The following SGPL1 variants were observed in gnomAD, a reference collection of about 807,000 sequenced individuals.
SGPL1 encodes the protein sphingosine-1-phosphate lyase 1, also known as SP-lyase 1.
SGPL1 carries 37 observed loss-of-function variants against 68.9 expected under a neutral mutation model. The observed-to-expected ratio is 0.54, with a 90% CI of 0.41 to 0.71. The LOEUF is 0.71. SGPL1 is among the 30% of genes least tolerant of loss of function. The pLI is 0.00. For synonymous variants in SGPL1, 236 were observed against 248.5 expected, an observed-to-expected ratio of 0.95 and a Z score of 0.47; for missense variants, 551 against 704.6, an observed-to-expected ratio of 0.78 and a Z score of 2.47.
chr10:70,845,028 G>A (rs1413061691), intron 3 of SGPL1, among the ~76,000 whole-genome samples: 5 of 152,118 alleles, frequency 3.3e-5, no homozygotes, highest in Non-Finnish European at 7.4e-5. Flanking sequence ...GTGAGCCACC[G>A]TGCCCGGCCC....
chr10:70,839,747 A>G (rs1331962713), intron 2 of SGPL1, among the ~76,000 whole-genome samples: 1 of 152,158 alleles, frequency 6.6e-6, no homozygotes, highest in African/African-American at 2.4e-5. Context: ...GTAAAAAGAC[A>G]TAGTGGGAAT....
At chr10:70,842,480 C>T (rs191150509) in intron 2 of SGPL1, among the ~76,000 whole-genome samples, 13 of 152,278 alleles carry the variant, frequency 8.5e-5, no homozygotes. Flanking sequence ...TTAATTGGCT[C>T]ATGGTTCTGC....
chr10:70,835,091 A>T (rs897474525), intron 2 of SGPL1, among the ~76,000 whole-genome samples: 1 of 152,204 alleles, frequency 6.6e-6, no homozygotes, highest in African/African-American at 2.4e-5. Context: ...TGTGGGAGAG[A>T]GGAGGCAGAA....
At chr10:70,834,693 A>T (rs1478851009) in intron 2 of SGPL1, among the ~76,000 whole-genome samples, 1 of 152,194 alleles carries the variant, frequency 6.6e-6, no homozygotes, top group Non-Finnish European at 1.5e-5. Flanking sequence ...GAAGTTCTGT[A>T]TGCCTTCACT....
In SGPL1 at chr10:70,847,987, G is replaced by A. The variant is rs183574466; in HGVS notation, c.194-3156G>A. Among the ~76,000 whole-genome samples, 36 of 152,318 alleles carry A rather than the reference G, an allele frequency of 2.4e-4. 1 individual carries two copies. In the East Asian group the frequency reaches 6.0e-3, roughly 25 times the overall value. On this transcript the variant is annotated intron_variant, in intron 3 of 14. Transcript: ENST00000373202. ...AGTGGGCAGCGGCATGAACTGTGCT[G>A]GGGTTAGCAGCCTCTTCCTTAATTC...
At chr10:70,831,997 GC>G (rs1845547525) in intron 2 of SGPL1, among the ~76,000 whole-genome samples, 1 of 152,118 alleles carries the variant, frequency 6.6e-6, no homozygotes. Flanking sequence ...GGCCCAAAGT[GC>G]CCCAGCATTA....
chr10:70,868,869 G>A (rs570866106), intron 8 of SGPL1, among the ~76,000 whole-genome samples: 1 of 152,210 alleles, frequency 6.6e-6, no homozygotes, highest in East Asian at 1.9e-4. Context: ...TTTAGTGTGA[G>A]GGCTGTTTTC....
chr10:70,832,217 G>A (rs1032407643), intron 2 of SGPL1, among the ~76,000 whole-genome samples: 1 of 152,126 alleles, frequency 6.6e-6, no homozygotes. Context: ...TGGTAATTTC[G>A]AAGATGCACT....
In SGPL1 at chr10:70,859,290, G is replaced by A. The variant is rs1589466205; in HGVS notation, c.487-81G>A. On this transcript the variant is annotated intron_variant, in intron 6 of 14. Coordinates refer to ENST00000373202, the MANE Select transcript of SGPL1 (RefSeq NM_003901.4). The stretch of plus-strand genomic sequence containing the variant: ...TTTATATTGTTGTGCCTAATACTTA[G>A]AAACTGTTGTTTAGTGCATGATTCT... The A allele has an allele frequency of 5.5e-6, 6 of 1,083,462 alleles. No homozygotes were observed. The East Asian group carries it at 2.1e-4, about 37-fold the overall frequency. 67.1% of individuals were successfully genotyped at this position (1,083,462 alleles called of 1,614,324 possible). A position where few individuals can be genotyped will look rare whatever the true frequency, so the allele number is the denominator to read the frequency against.
chr10:70,823,063 A>C (rs1288947376), intron 2 of SGPL1, among the ~76,000 whole-genome samples: 1 of 151,680 alleles, frequency 6.6e-6, no homozygotes, highest in Non-Finnish European at 1.5e-5. Context: ...GTTTAAAACA[A>C]AGAATCAGCA....
chr10:70,858,409 A>T (rs1014904832), intron 6 of SGPL1, among the ~76,000 whole-genome samples: 6 of 152,162 alleles, frequency 3.9e-5, no homozygotes, highest in African/African-American at 9.7e-5. Flanking sequence ...AAGTGTTGAG[A>T]TTACAGCTGT....
intron 4 of SGPL1, among the ~76,000 whole-genome samples, chr10:70,851,754 A>G (rs981706866): frequency 6.6e-6 from 1 of 152,182 alleles, no homozygotes; most frequent in Non-Finnish European, 1.5e-5. Flanking sequence ...TGTAGGCCAT[A>G]TCATTTCTGT....
intron 2 of SGPL1, among the ~76,000 whole-genome samples, chr10:70,835,775 AC>A (rs1174484198): frequency 6.6e-6 from 1 of 151,780 alleles, no homozygotes; most frequent in Non-Finnish European, 1.5e-5. Flanking sequence ...AAGACATTGT[AC>A]AGGAGAATGA....
chr10:70,824,206 G>A (rs1845391579), intron 2 of SGPL1, among the ~76,000 whole-genome samples: 1 of 152,160 alleles, frequency 6.6e-6, no homozygotes, highest in Non-Finnish European at 1.5e-5. Context: ...AGTGAACAGG[G>A]AAATGACCAT....
At chr10:70,819,902 G>A (rs1160456080) in intron 2 of SGPL1, among the ~76,000 whole-genome samples, 1 of 152,130 alleles carries the variant, frequency 6.6e-6, no homozygotes, top group Non-Finnish European at 1.5e-5. Context: ...GCCTCCCAAA[G>A]TGCTGGATTA....
chr10:70,840,265 G>A (rs773136187), intron 2 of SGPL1, among the ~76,000 whole-genome samples: 2 of 151,962 alleles, frequency 1.3e-5, no homozygotes, highest in Admixed American at 6.6e-5. Flanking sequence ...CTGTATGAGC[G>A]TAGTCATGTC....
intron 2 of SGPL1, among the ~76,000 whole-genome samples, chr10:70,841,583 C>T (rs926147147): frequency 7.2e-5 from 11 of 152,122 alleles, no homozygotes; most frequent in African/African-American, 2.4e-4. Context: ...TAATCTTATT[C>T]ACGAGGCCTC....
intron 2 of SGPL1, among the ~76,000 whole-genome samples, chr10:70,826,812 T>C (rs1845445962): frequency 6.6e-6 from 1 of 152,264 alleles, no homozygotes; most frequent in Non-Finnish European, 1.5e-5. Context: ...GTGATTTTCC[T>C]GTGTTGCTCA....
chr10:70,818,770 C>G (rs935718420), intron 2 of SGPL1, among the ~76,000 whole-genome samples: 2 of 152,082 alleles, frequency 1.3e-5, no homozygotes, highest in African/African-American at 4.8e-5. Flanking sequence ...GTATCTTGCC[C>G]CAAATTTCAT....
Sources: gnomAD v4.1 joint callset for allele counts (sites outside exome capture counted in the v4.1 genomes callset) on GRCh38, gnomAD v4.1.1 for gene constraint, MANE v1.5 for transcripts, NCBI Gene and HGNC (gene_info 2026-07-23, HGNC 2026-07-21) for gene names.